Variants in BPTF observed in about 807,000 individuals in gnomAD.
BPTF encodes bromodomain PHD finger transcription factor.
Under a neutral mutation model 292.5 loss-of-function variants are expected in BPTF, and 18 were observed. The ratio of observed to expected loss-of-function variants is 0.06; its 90% CI spans 0.04 to 0.09. The LOEUF (loss-of-function observed/expected upper bound fraction) is 0.09. Among genes scored for constraint, BPTF ranks in the 10% least tolerant of loss-of-function variants. The pLI, the probability that BPTF is intolerant of heterozygous loss-of-function variation, is 1.00. For missense variants in BPTF, 2,726 were observed against 3,498.7 expected (o/e 0.78, Z 5.57); for synonymous variants, 1,225 against 1,251.9 (o/e 0.98, Z 0.45).
intron 9 of BPTF, among the ~76,000 whole-genome samples, chr17:67,907,681 G>A (rs1437759475): frequency 6.6e-6 from 1 of 152,008 alleles, no homozygotes; most frequent in East Asian, 1.9e-4. Flanking sequence ...TTGTTTAGTT[G>A]TCACTGACCA....
chr17:67,842,065 C>CGT (rs2057593906), intron 1 of BPTF, among the ~76,000 whole-genome samples: 1 of 151,948 alleles, frequency 6.6e-6, no homozygotes, highest in African/African-American at 2.4e-5. Flanking sequence ...GTATTGCAAC[C>CGT]ATACAGGTTT....
chr17:67,951,515 ACT>A (rs530154334), intron 23 of BPTF: 91 of 152,278 alleles, frequency 6.0e-4, no homozygotes, highest in African/African-American at 2.1e-3. Flanking sequence ...TGTGCCACAC[ACT>A]GTTTCCGTTC....
chr17:67,840,815 G>A (rs1202229185), intron 1 of BPTF, among the ~76,000 whole-genome samples: 4 of 151,854 alleles, frequency 2.6e-5, no homozygotes, highest in South Asian at 2.1e-4. Flanking sequence ...CGCCTGTCTC[G>A]GCCTCCCAAA....
intron 2 of BPTF, among the ~76,000 whole-genome samples, chr17:67,860,319 C>T (rs939049313): frequency 2.6e-5 from 4 of 152,054 alleles, no homozygotes; most frequent in Admixed American, 6.6e-5. Flanking sequence ...TATGTGGACT[C>T]CTCATGATAG....
intron 4 of BPTF, among the ~76,000 whole-genome samples, chr17:67,879,100 C>G (rs1459027889): frequency 6.7e-6 from 1 of 148,238 alleles, no homozygotes; most frequent in Non-Finnish European, 1.5e-5. Flanking sequence ...TGAGTTGGTA[C>G]TAGAAGAGTT....
chr17:67,835,674 T>C (rs1213567931), intron 1 of BPTF, among the ~76,000 whole-genome samples: 1 of 97,658 alleles, frequency 1.0e-5, no homozygotes. Context: ...TTTTTTTTTT[T>C]TTTTTTTTTG....
rs140490508 is a variant in BPTF, at chr17:67,976,211, G to A, written c.8726+253G>A. ...GAAGTGGCCGGGCATAGTGGCTCAC[G>A]CCTGTAATCCCAACACTTTGGGAGG... On this transcript the variant is annotated intron_variant, in intron 27 of 27. Coordinates refer to ENST00000306378, the MANE Select transcript of BPTF (RefSeq NM_182641.4). 516 of 255,756 alleles carry A rather than the reference G, an allele frequency of 2.0e-3. 3 individuals are homozygous for A. Among genetic ancestry groups the A allele is most frequent in the African/African-American group, 7.8e-3 (349 of 44,554 alleles). The allele number at this position is 255,756 out of a possible 1,614,324, so 15.8% of individuals were successfully genotyped here.
Position 67,865,452 on chromosome 17 carries a change from T to C in BPTF, c.1437-1012T>C, listed in dbSNP as rs147780387. 3.9e-5 allele frequency among the ~76,000 whole-genome samples: 6 copies of C among 152,358 alleles called. No homozygotes were observed. In the East Asian group the frequency reaches 1.2e-3, roughly 29 times the overall value. The stretch of plus-strand genomic sequence containing the variant: ...AGTGGCCTGCAGGCAGGTTTTATTA[T>C]ATCTTCATTTTACAAGTGAGGTAAA... On this transcript the variant is annotated intron_variant, in intron 2 of 27. Transcript: ENST00000306378.
At position 67,966,569 on chromosome 17, in the gene BPTF, T is replaced by C. The variant is rs781887579; in HGVS notation, c.8455-3T>C. On this transcript the variant is annotated splice_polypyrimidine_tract_variant and splice_region_variant and intron_variant, in intron 25 of 27. Transcript: ENST00000306378. ...CAATAATGATGCTGCTTTTTCATTA[T>C]AGGCCCATAAGATGGCCTGGCCTTT... 16 of 1,610,682 alleles carry C rather than the reference T, an allele frequency of 9.9e-6. No individual in the cohort carries two copies. Among genetic ancestry groups the C allele is most frequent in the Non-Finnish European group, 1.0e-5 (12 of 1,177,606 alleles).
Position 67,946,078 on chromosome 17 carries a change from A to C in BPTF, c.7370A>C (p.Gln2457Pro), listed in dbSNP as rs782818928. 2 of 1,614,200 alleles carry C rather than the reference A, an allele frequency of 1.2e-6. No individual in the cohort carries two copies. Among genetic ancestry groups the C allele is most frequent in the Admixed American group, 3.3e-5 (2 of 60,022 alleles). ...CAGTCACAGGTTGTGGCTCAGATAC[A>C]GGCTCAGCAAAGTGGTGTGCCCCAG... ...QIQSQVVAQI[Q>P]AQQSGVPQQI... Residue 2457 changes from glutamine to proline, a missense_variant, in exon 21 of 28, where the codon CAG becomes CCG. By Grantham distance (76) the Gln-to-Pro change is moderately conservative (BLOSUM62 -1). Around this residue, in one of 22 missense-constraint regions of BPTF, gnomAD observed 570 missense variants for 633.5 expected, o/e 0.90. Transcript: ENST00000306378.
At chr17:67,976,149 T>C in intron 27 of BPTF, 191 bp downstream of exon 27, 1 of 455,670 alleles carries the variant, frequency 2.2e-6, no homozygotes, top group East Asian at 3.7e-5. Flanking sequence ...GCTGGGTTTG[T>C]TGTTGATCTA....
chr17:67,845,450 G>A (rs570276486), intron 1 of BPTF, among the ~76,000 whole-genome samples: 13 of 152,170 alleles, frequency 8.5e-5, no homozygotes, highest in Non-Finnish European at 1.6e-4. Context: ...TTACTGAAGA[G>A]TGGCCTCGAG....
At position 67,983,667 on chromosome 17, in the gene BPTF, C is replaced by T. The variant is rs1281817739; in HGVS notation, c.*1379C>T. 1 of 152,598 alleles carries T rather than the reference C, an allele frequency of 6.6e-6. No homozygotes were observed. The highest frequency in any genetic ancestry group is 1.5e-5 in the Non-Finnish European group (1 of 68,036). The allele number at this position is 152,598 out of a possible 1,614,324, so 9.5% of individuals were successfully genotyped here. On this transcript the variant is annotated 3_prime_UTR_variant, in exon 28 of 28. Coordinates refer to ENST00000306378, the MANE Select transcript of BPTF (RefSeq NM_182641.4). ...TTGTATCACTGCATTGTGGTAATAG[C>T]TTCTATAAAATCTGCCATAGTTGGA...
chr17:67,853,900 A>G (rs1311804457), intron 1 of BPTF, 40 bp from the exon 2 acceptor site: 4 of 1,468,862 alleles, frequency 2.7e-6, no homozygotes, highest in Non-Finnish European at 3.7e-6. Context: ...GAAATGATGT[A>G]ATGTATTGAT....
At chr17:67,938,743 A>T (rs1325846479) in intron 18 of BPTF, among the ~76,000 whole-genome samples, 1 of 152,248 alleles carries the variant, frequency 6.6e-6, no homozygotes, top group Non-Finnish European at 1.5e-5. Context: ...CAAAATTTTT[A>T]AAAAGACTAG....
At chr17:67,928,681 A>T (rs2064117683) in intron 16 of BPTF, 80 bp downstream of exon 16, 4 of 1,454,658 alleles carry the variant, frequency 2.7e-6, no homozygotes, top group Non-Finnish European at 2.8e-6. Context: ...GAAATGAAAC[A>T]TTTTTTTAGA....
chr17:67,903,210 C>T (rs550628353), intron 7 of BPTF, among the ~76,000 whole-genome samples: 7 of 152,342 alleles, frequency 4.6e-5, no homozygotes, highest in Middle Eastern at 3.4e-3. Context: ...CTTTAAAATC[C>T]GCAGTGCTTG....
At chr17:67,834,461 T>C (rs1324417764) in intron 1 of BPTF, among the ~76,000 whole-genome samples, 1 of 152,136 alleles carries the variant, frequency 6.6e-6, no homozygotes, top group African/African-American at 2.4e-5. Flanking sequence ...CTAAGATCTG[T>C]CTGACTTTCT....
chr17:67,968,594 C>T (rs974402722), intron 26 of BPTF, among the ~76,000 whole-genome samples: 2 of 150,696 alleles, frequency 1.3e-5, no homozygotes, highest in African/African-American at 2.5e-5. Flanking sequence ...CTGGCTAACA[C>T]GGTGAAACCC....
Sources: gnomAD v4.1 joint callset for allele counts (sites outside exome capture counted in the v4.1 genomes callset) on GRCh38, gnomAD v4.1.1 for gene constraint, gnomAD v4.1.1 regional missense constraint, MANE v1.5 for transcripts, NCBI Gene and HGNC (gene_info 2026-07-23, HGNC 2026-07-21) for gene names.